PRKN: variants seen among roughly 807,000 people sequenced by gnomAD.
PRKN encodes E3 ubiquitin-protein ligase parkin.
Under a neutral mutation model 59.5 loss-of-function variants are expected in PRKN, and 56 were observed. The ratio of observed to expected loss-of-function variants is 0.94; its 90% CI spans 0.76 to 1.18. PRKN has a LOEUF of 1.18. PRKN is among the 50% of genes most tolerant of loss of function. The pLI is 0.00. For synonymous variants in PRKN, 250 were observed against 222.1 expected (o/e 1.13, Z -1.12); for missense variants, 657 against 596.4 (o/e 1.10, Z -1.06).
chr6:161,475,666 G>T lies in PRKN; in HGVS notation c.1083+73188C>A, dbSNP rs1326092265. 6.6e-6 allele frequency among the ~76,000 whole-genome samples: 1 copy of T among 151,940 alleles called. No individual in the cohort carries two copies. On this transcript the variant is annotated intron_variant, in intron 9 of 11. Transcript: ENST00000366898. This position sits in a 1 kb window ranked among gnomAD's most constrained non-coding sequence, Gnocchi z 5.3. ...ATTTTTGTATTTTTTGTAGAGACAG[G>T]GTTTTGCCATGTTGCCGAGGCTGGT...
At chr6:162,716,785 C>T (rs904864649) in intron 1 of PRKN, among the ~76,000 whole-genome samples, 8 of 127,682 alleles carry the variant, frequency 6.3e-5, no homozygotes, top group South Asian at 2.3e-4. Flanking sequence ...CACACACACG[C>T]GCACACACAC....
At chr6:162,498,805 A>T (rs1191467987) in intron 1 of PRKN, among the ~76,000 whole-genome samples, 1 of 149,660 alleles carries the variant, frequency 6.7e-6, no homozygotes, top group Non-Finnish European at 1.5e-5. Flanking sequence ...ATTATTCTGT[A>T]AGGTAAAATG....
chr6:162,404,228 G>A (rs895378284), intron 2 of PRKN, among the ~76,000 whole-genome samples: 9 of 151,906 alleles, frequency 5.9e-5, no homozygotes, highest in East Asian at 2.0e-4. Context: ...AAAATTAGCC[G>A]ATGTGGTGGC....
At chr6:161,571,008 T>C (rs1169286136) in intron 7 of PRKN, among the ~76,000 whole-genome samples, 2 of 152,184 alleles carry the variant, frequency 1.3e-5, no homozygotes, top group African/African-American at 4.8e-5. Context: ...TCATGGCTCA[T>C]TGCAGCCTTG....
intron 4 of PRKN, among the ~76,000 whole-genome samples, chr6:162,189,660 A>C (rs1784189032): frequency 6.6e-6 from 1 of 151,870 alleles, no homozygotes; most frequent in Non-Finnish European, 1.5e-5. Flanking sequence ...CCAAATAATC[A>C]AGACTTAATT....
At chr6:162,558,327 C>CTTTTTTTT (rs71278562) in intron 1 of PRKN, among the ~76,000 whole-genome samples, 1 of 132,724 alleles carries the variant, frequency 7.5e-6, no homozygotes, top group Admixed American at 8.1e-5. Flanking sequence ...TTAATTTTCC[C>CTTTTTTTT]TTTTTTTTTT....
intron 6 of PRKN, among the ~76,000 whole-genome samples, chr6:161,946,412 A>ACTCT (rs1397205372): frequency 2.5e-4 from 24 of 94,286 alleles, no homozygotes; most frequent in Admixed American, 1.9e-3. Context: ...ACACACACAC[A>ACTCT]CACTCTCTCT....
chr6:161,465,284 T>C (rs1790410621), intron 9 of PRKN, among the ~76,000 whole-genome samples: 1 of 152,194 alleles, frequency 6.6e-6, no homozygotes, highest in South Asian at 2.1e-4. Flanking sequence ...CATTGGGATT[T>C]TAAAAAATCA....
chr6:162,129,443 T>C (rs1372286300), intron 4 of PRKN, among the ~76,000 whole-genome samples: 1 of 152,154 alleles, frequency 6.6e-6, no homozygotes, highest in Non-Finnish European at 1.5e-5. Context: ...AGAACTAATA[T>C]GGCCAGAAGC....
chr6:161,630,073 A>G (rs529210779), intron 7 of PRKN, among the ~76,000 whole-genome samples: 2 of 152,190 alleles, frequency 1.3e-5, no homozygotes, highest in Non-Finnish European at 2.9e-5. Flanking sequence ...CGGTATCATA[A>G]TAACAGAAGC....
chr6:162,039,643 C>A (rs983528149), intron 5 of PRKN, among the ~76,000 whole-genome samples: 2 of 152,238 alleles, frequency 1.3e-5, no homozygotes, highest in African/African-American at 2.4e-5. Flanking sequence ...GTACTGCCTG[C>A]AGGACTGTGA....
At chr6:162,337,691 A>G (rs1278627988) in intron 2 of PRKN, among the ~76,000 whole-genome samples, 1 of 152,180 alleles carries the variant, frequency 6.6e-6, no homozygotes. Flanking sequence ...CCTTGGCCCC[A>G]TACGGGCTGT....
chr6:161,611,289 C>G (rs951452941), intron 7 of PRKN, among the ~76,000 whole-genome samples: 1 of 152,184 alleles, frequency 6.6e-6, no homozygotes, highest in Non-Finnish European at 1.5e-5. Flanking sequence ...ACTTACTTCT[C>G]TCTTACAGCA....
At chr6:161,812,464 C>T (rs1210368427) in intron 6 of PRKN, among the ~76,000 whole-genome samples, 3 of 152,058 alleles carry the variant, frequency 2.0e-5, no homozygotes, top group Admixed American at 6.5e-5. Flanking sequence ...AAAATACATA[C>T]AAATCATCTG....
intron 1 of PRKN, among the ~76,000 whole-genome samples, chr6:162,628,578 G>C (rs1583939090): frequency 6.6e-6 from 1 of 152,094 alleles, no homozygotes; most frequent in African/African-American, 2.4e-5. Flanking sequence ...CAAATCATAT[G>C]TTCCAACAGC....
In PRKN at chr6:161,438,458, C is replaced by T. The variant is rs116738188; in HGVS notation, c.1084-51581G>A. On this transcript the variant is annotated intron_variant, in intron 9 of 11. Transcript: ENST00000366898. Reference sequence around the variant, plus strand: ...GTCTCTGTCTCTTGACCTCGTAATCCGCCCACCTTAGCCTCCCAAGGTGCT... The same window carrying T: ...GTCTCTGTCTCTTGACCTCGTAATCTGCCCACCTTAGCCTCCCAAGGTGCT... Among the ~76,000 whole-genome samples, 1,277 of 151,980 alleles carry T rather than the reference C, an allele frequency of 8.4e-3. 16 individuals carry two copies. The highest frequency in any genetic ancestry group is 0.056 in the East Asian group (290 of 5,156).
chr6:161,849,486 G>A (rs75210997), intron 6 of PRKN, among the ~76,000 whole-genome samples: 115 of 151,976 alleles, frequency 7.6e-4, no homozygotes, highest in African/African-American at 2.7e-3. Flanking sequence ...TCAGTCTTTT[G>A]TGTTTGCCGA....
intron 1 of PRKN, among the ~76,000 whole-genome samples, chr6:162,584,568 C>T (rs1016223883): frequency 6.6e-6 from 1 of 151,904 alleles, no homozygotes; most frequent in East Asian, 1.9e-4. Flanking sequence ...AGGTGAATCA[C>T]AAGCAAAAAA....
In PRKN at chr6:161,667,045, T is replaced by C. The variant is rs115993910; in HGVS notation, c.872-97629A>G. On this transcript the variant is annotated intron_variant, in intron 7 of 11. Coordinates refer to ENST00000366898, the MANE Select transcript of PRKN (RefSeq NM_004562.3). ...AATGAGCCTGTTAGGCCAGTGTCTG[T>C]CTTCTATGATTAACACAGCCAAGGA... 8.0e-3 allele frequency among the ~76,000 whole-genome samples: 1,226 copies of C among 152,312 alleles called. 27 individuals are homozygous for C. Among genetic ancestry groups the C allele is most frequent in the African/African-American group, 0.028 (1,171 of 41,572 alleles).
Sources: allele counts gnomAD v4.1 joint callset (sites outside exome capture counted in the v4.1 genomes callset), GRCh38; gene constraint gnomAD v4.1.1; non-coding constraint Gnocchi (gnomAD v3.1); transcripts MANE v1.5; gene names NCBI Gene and HGNC (gene_info 2026-07-23, HGNC 2026-07-21).